CSMD1: variants seen among roughly 807,000 people sequenced by gnomAD.
The protein encoded by CSMD1 is CUB and Sushi multiple domains 1, also known as CUB and sushi domain-containing protein 1.
Under a neutral mutation model 417.5 loss-of-function variants are expected in CSMD1, and 213 were observed. The ratio of observed to expected loss-of-function variants is 0.51; its 90% CI spans 0.46 to 0.57. The LOEUF (loss-of-function observed/expected upper bound fraction) is 0.57. Among genes scored for constraint, CSMD1 ranks in the 20% least tolerant of loss-of-function variants. The pLI, the probability that CSMD1 is intolerant of heterozygous loss-of-function variation, is 0.00. For missense variants in CSMD1, 6,923 were observed against 4,529.7 expected (o/e 1.53, Z -15.17); for synonymous variants, 2,862 against 1,736.8 (o/e 1.65, Z -16.11).
intron 5 of CSMD1, among the ~76,000 whole-genome samples, chr8:3,976,026 A>G (rs1585063100): frequency 6.6e-6 from 1 of 152,270 alleles, no homozygotes; most frequent in East Asian, 1.9e-4. Flanking sequence ...AAAGATCAAT[A>G]TATTCAATAT....
intron 3 of CSMD1, among the ~76,000 whole-genome samples, chr8:4,297,514 T>C (rs1232460702): frequency 1.3e-5 from 2 of 152,212 alleles, no homozygotes; most frequent in Non-Finnish European, 2.9e-5. Flanking sequence ...CCATTTTTGC[T>C]TCTATAGCTG....
chr8:4,235,360 G>GTTTTT (rs150464000), intron 3 of CSMD1, among the ~76,000 whole-genome samples: 1 of 148,636 alleles, frequency 6.7e-6, no homozygotes. Context: ...GACGTGTTTT[G>GTTTTT]TTTTTTTTTT....
intron 5 of CSMD1, among the ~76,000 whole-genome samples, chr8:3,983,404 A>G (rs1004714795): frequency 1.3e-5 from 2 of 152,070 alleles, no homozygotes; most frequent in African/African-American, 4.8e-5. Flanking sequence ...TGCTGGGATT[A>G]CAGGCGTGAG....
chr8:3,346,026 T>A (rs1585031710), intron 22 of CSMD1, among the ~76,000 whole-genome samples: 1 of 152,172 alleles, frequency 6.6e-6, no homozygotes, highest in East Asian at 1.9e-4. Context: ...TATTATTACA[T>A]CACAGTATGT....
intron 3 of CSMD1, among the ~76,000 whole-genome samples, chr8:4,168,230 AAC>A (rs1249322348): frequency 3.3e-5 from 5 of 151,200 alleles, no homozygotes; most frequent in Non-Finnish European, 7.4e-5. Context: ...TATATACACA[AAC>A]ACACACAAAA....
intron 1 of CSMD1, among the ~76,000 whole-genome samples, chr8:4,742,151 C>G (rs1810654969): frequency 6.6e-6 from 1 of 150,956 alleles, no homozygotes; most frequent in South Asian, 2.1e-4. Flanking sequence ...CTGCCTCAGC[C>G]TCCCGAGTAG....
At chr8:3,151,373 G>T (rs776384830) in intron 40 of CSMD1, 24 bp downstream of exon 40, 1 of 1,466,454 alleles carries the variant, frequency 6.8e-7, no homozygotes, top group Admixed American at 1.7e-5. Context: ...TGAACTTTTA[G>T]GAATTGGTAA....
chr8:4,301,685 A>C (rs966452525), intron 3 of CSMD1, among the ~76,000 whole-genome samples: 2 of 152,132 alleles, frequency 1.3e-5, no homozygotes, highest in African/African-American at 4.8e-5. Context: ...CATGGACCAG[A>C]TTATTATTTT....
chr8:4,730,659 T>G lies in CSMD1; in HGVS notation c.86-93101A>C, dbSNP rs191823609. 2.7e-3 allele frequency among the ~76,000 whole-genome samples: 404 copies of G among 151,908 alleles called. 4 individuals are homozygous for G. The highest frequency in any genetic ancestry group is 0.01 in the Middle Eastern group (3 of 292). On this transcript the variant is annotated intron_variant, in intron 1 of 69. Transcript: ENST00000635120. The stretch of plus-strand genomic sequence containing the variant: ...GGGAGGCTGAGACAGGAGAATGGTG[T>G]GAACCCGGGAAGCGGAGCTTGCAGT...
At chr8:3,513,595 G>A (rs937865377) in intron 10 of CSMD1, among the ~76,000 whole-genome samples, 10 of 152,152 alleles carry the variant, frequency 6.6e-5, no homozygotes, top group Middle Eastern at 6.8e-3. Flanking sequence ...CTAATCCTAC[G>A]CAATGCCCCA....
intron 5 of CSMD1, among the ~76,000 whole-genome samples, chr8:3,888,387 A>G (rs960035508): frequency 2.0e-5 from 3 of 152,180 alleles, no homozygotes; most frequent in African/African-American, 7.2e-5. Flanking sequence ...TTCATAGAGA[A>G]GCCTATTTCA....
At chr8:3,845,378 A>G (rs1803433739) in intron 5 of CSMD1, among the ~76,000 whole-genome samples, 2 of 152,184 alleles carry the variant, frequency 1.3e-5, no homozygotes, top group Admixed American at 6.5e-5. Flanking sequence ...ACTGCATGGG[A>G]CTGCCCTGAA....
At chr8:4,673,344 G>C (rs757011749) in intron 1 of CSMD1, among the ~76,000 whole-genome samples, 16 of 152,278 alleles carry the variant, frequency 1.1e-4, no homozygotes, top group Middle Eastern at 3.4e-3. Flanking sequence ...TAGTTTTACA[G>C]ATCATCCTTT....
intron 2 of CSMD1, among the ~76,000 whole-genome samples, chr8:4,569,834 G>C (rs1212504282): frequency 1.3e-5 from 2 of 152,212 alleles, no homozygotes; most frequent in East Asian, 1.9e-4. Context: ...CTGATTTGTA[G>C]TTCTCCTTGA....
At chr8:4,170,854 G>C (rs1797727168) in intron 3 of CSMD1, among the ~76,000 whole-genome samples, 1 of 151,760 alleles carries the variant, frequency 6.6e-6, no homozygotes, top group South Asian at 2.1e-4. Flanking sequence ...ATGAATTCCT[G>C]TAACATTTTT....
At chr8:3,872,987 T>A (rs1013622041) in intron 5 of CSMD1, among the ~76,000 whole-genome samples, 22 of 151,518 alleles carry the variant, frequency 1.5e-4, no homozygotes, top group Admixed American at 1.1e-3. Context: ...GAAACGCAAA[T>A]CAAAACCACA....
At chr8:3,468,884 C>T in intron 11 of CSMD1, 60 bp from the exon 12 acceptor site, 5 of 1,133,292 alleles carry the variant, frequency 4.4e-6, no homozygotes, top group Non-Finnish European at 5.1e-6. Context: ...CGACTTCCAC[C>T]TGAAAGGAGG....
chr8:3,107,914 T>C (rs2129015125), intron 44 of CSMD1, 116 bp from the exon 45 acceptor site: 1 of 651,154 alleles, frequency 1.5e-6, no homozygotes, highest in South Asian at 1.9e-5. Flanking sequence ...CGGACTGAAA[T>C]GTCTCTATTC....
intron 3 of CSMD1, among the ~76,000 whole-genome samples, chr8:4,342,863 G>A (rs142543473): frequency 1.3e-5 from 2 of 151,960 alleles, no homozygotes; most frequent in African/African-American, 2.4e-5. Context: ...ATACACCAAA[G>A]GCCACCCATG....
Sources: gnomAD v4.1 joint callset for allele counts (sites outside exome capture counted in the v4.1 genomes callset) on GRCh38, gnomAD v4.1.1 for gene constraint, MANE v1.5 for transcripts, NCBI Gene and HGNC (gene_info 2026-07-23, HGNC 2026-07-21) for gene names.